Variants in PPIP5K2 observed in about 807,000 individuals in gnomAD.
The protein encoded by PPIP5K2 is inositol hexakisphosphate and diphosphoinositol-pentakisphosphate kinase 2.
PPIP5K2 carries 105 observed loss-of-function variants against 154.6 expected under a neutral mutation model. The observed-to-expected ratio is 0.68, with a 90% CI of 0.58 to 0.80. The LOEUF (loss-of-function observed/expected upper bound fraction) is 0.80, where lower values mean the gene tolerates loss of function less well. PPIP5K2 is among the 30% of genes least tolerant of loss of function. PPIP5K2 has a pLI of 0.00. For missense variants in PPIP5K2, 992 were observed against 1,504.6 expected, an observed-to-expected ratio of 0.66 and a Z score of 5.64; for synonymous variants, 480 against 490.3, an observed-to-expected ratio of 0.98 and a Z score of 0.28.
rs1554232551 is a variant in PPIP5K2, at chr5:103,210,939, A to T, written c.*9305A>T. ...CAGTTATGGAAATATTTCTGCTGCA[A>T]GAAAAGAATTACATACAACTAGTAT... On this transcript the variant is annotated 3_prime_UTR_variant, in exon 31 of 31. Coordinates refer to ENST00000358359, the MANE Select transcript of PPIP5K2 (RefSeq NM_001276277.3). 6.6e-6 allele frequency: 1 copy of T among 152,164 alleles called. No individual in the cohort carries two copies. The highest frequency in any genetic ancestry group is 2.4e-5 in the African/African-American group (1 of 41,456). 9.4% of individuals were successfully genotyped at this position (152,164 alleles called of 1,614,324 possible).
At chr5:103,136,047 C>G (rs916606829) in intron 3 of PPIP5K2, 1 of 149,732 alleles carries the variant, frequency 6.7e-6, no homozygotes, top group Admixed American at 6.7e-5. Flanking sequence ...TCTCCACTCA[C>G]CGCAACCTCC....
At chr5:103,173,361 C>A in intron 20 of PPIP5K2, 79 bp downstream of exon 20, 2 of 1,448,744 alleles carry the variant, frequency 1.4e-6, no homozygotes, top group Non-Finnish European at 1.9e-6. Flanking sequence ...CTTTGATGGT[C>A]CTATGAAGTC....
intron 27 of PPIP5K2, among the ~76,000 whole-genome samples, chr5:103,187,008 G>A (rs1382947888): frequency 1.3e-5 from 2 of 152,048 alleles, no homozygotes; most frequent in Non-Finnish European, 2.9e-5. Context: ...GCTCTTTCAG[G>A]ATCGTCTTTA....
chr5:103,188,236 G>T (rs1474098289), intron 28 of PPIP5K2, among the ~76,000 whole-genome samples: 2 of 152,088 alleles, frequency 1.3e-5, no homozygotes, highest in African/African-American at 4.8e-5. Context: ...CAGGATCAAA[G>T]AATTTAAAAG....
intron 1 of PPIP5K2, among the ~76,000 whole-genome samples, chr5:103,121,380 T>C (rs1788699749): frequency 6.6e-6 from 1 of 152,212 alleles, no homozygotes; most frequent in Admixed American, 6.5e-5. Context: ...TTATCACCAT[T>C]TTACAGAGTT....
chr5:103,203,457 G>A lies in PPIP5K2; in HGVS notation c.*1823G>A, dbSNP rs1554231349. On this transcript the variant is annotated 3_prime_UTR_variant, in exon 31 of 31. Transcript: ENST00000358359. The stretch of plus-strand genomic sequence containing the variant: ...CTCAGTAGTATTGCTCTGTAGACTA[G>A]ACACTCTATTTGTAAAAATCTTAGA... 6.6e-6 allele frequency: 1 copy of A among 152,106 alleles called. No homozygotes were observed. The highest frequency in any genetic ancestry group is 1.9e-4 in the East Asian group (1 of 5,198). 9.4% of individuals were successfully genotyped at this position (152,106 alleles called of 1,614,324 possible).
chr5:103,149,871 A>AT (rs1415687675), intron 8 of PPIP5K2, among the ~76,000 whole-genome samples: 5 of 151,742 alleles, frequency 3.3e-5, no homozygotes, highest in African/African-American at 4.8e-5. Flanking sequence ...TAATTTTTGT[A>AT]TTTTTAGTAG....
chr5:103,147,959 C>T lies in PPIP5K2; in HGVS notation c.671C>T (p.Pro224Leu). Residue 224 changes from proline (P) to leucine (L), a missense_variant, in exon 7 of 31, where the codon CCA becomes CTA. Pro to Leu is a moderately conservative substitution (Grantham distance 98). Around this residue, in one of 9 missense-constraint regions of PPIP5K2, gnomAD observed 51 missense variants for 152.2 expected, o/e 0.33. Coordinates refer to ENST00000358359, the MANE Select transcript of PPIP5K2 (RefSeq NM_001276277.3). The part of the protein sequence containing the change: ...KIGSRSSVYS[P>L]ESNVRKTGSY... The stretch of plus-strand genomic sequence containing the variant: ...GGCAGTAGAAGTAGTGTTTATTCTC[C>T]AGAAAGCAATGTACGAAAAACAGGC... The T allele has an allele frequency of 6.3e-7, 1 of 1,598,808 alleles. No individual in the cohort carries two copies. The highest frequency in any genetic ancestry group is 8.5e-7 in the Non-Finnish European group (1 of 1,172,042).
intron 17 of PPIP5K2, among the ~76,000 whole-genome samples, chr5:103,161,837 T>G (rs1387006282): frequency 1.3e-5 from 2 of 151,636 alleles, no homozygotes; most frequent in Non-Finnish European, 2.9e-5. Flanking sequence ...GAGTTCTTTG[T>G]AGATTCTGGA....
intron 10 of PPIP5K2, 145 bp downstream of exon 10, chr5:103,152,894 A>T (rs1794850231): frequency 1.9e-6 from 1 of 537,116 alleles, no homozygotes; most frequent in African/African-American, 2.0e-5. Context: ...GGAGTAGATT[A>T]TACGTATTTA....
intron 1 of PPIP5K2, among the ~76,000 whole-genome samples, chr5:103,128,153 A>C (rs1790026826): frequency 6.6e-6 from 1 of 152,116 alleles, no homozygotes; most frequent in South Asian, 2.1e-4. Flanking sequence ...GTTATACTGG[A>C]ATTAGATCTT....
In PPIP5K2 at chr5:103,152,759, A is replaced by C; in HGVS notation, c.1130+10A>C. 6.7e-7 allele frequency: 1 copy of C among 1,498,056 alleles called. No individual in the cohort carries two copies. Among genetic ancestry groups the C allele is most frequent in the Non-Finnish European group, 9.2e-7 (1 of 1,085,788 alleles). The allele number at this position is 1,498,056 out of a possible 1,614,324, so 92.8% of individuals were successfully genotyped here. A position where few individuals can be genotyped will look rare whatever the true frequency, so the allele number is the denominator to read the frequency against. On this transcript the variant is annotated intron_variant, in intron 10 of 30. Coordinates refer to ENST00000358359, the MANE Select transcript of PPIP5K2 (RefSeq NM_001276277.3). ...CTACATCTGGAACTATGTAAGTCTG[A>C]ATTATTTTCATTTAGAAATTGAGTT... is the stretch of plus-strand genomic sequence containing the variant.
intron 23 of PPIP5K2, among the ~76,000 whole-genome samples, chr5:103,178,293 G>A (rs1799013190): frequency 6.6e-6 from 1 of 151,810 alleles, no homozygotes; most frequent in Non-Finnish European, 1.5e-5. Flanking sequence ...CAGTTTTGTT[G>A]TCTTCGCTCT....
intron 30 of PPIP5K2, among the ~76,000 whole-genome samples, chr5:103,201,040 T>G (rs1802900480): frequency 6.6e-6 from 1 of 152,190 alleles, no homozygotes. Flanking sequence ...CTTCTAGCTT[T>G]TTAGAGAGGG....
intron 5 of PPIP5K2, among the ~76,000 whole-genome samples, chr5:103,140,943 G>A (rs1327354956): frequency 6.6e-6 from 1 of 151,860 alleles, no homozygotes; most frequent in African/African-American, 2.4e-5. Context: ...GAATTTTTCT[G>A]TCCTTATAGG....
chr5:103,133,170 AAG>A (rs1554203155), intron 2 of PPIP5K2, among the ~76,000 whole-genome samples: 5 of 152,208 alleles, frequency 3.3e-5, no homozygotes, highest in Admixed American at 6.5e-5. Context: ...GAGGTAGTTA[AAG>A]AGGGGGTACT....
At chr5:103,200,355 G>A (rs1488021941) in intron 30 of PPIP5K2, among the ~76,000 whole-genome samples, 2 of 151,866 alleles carry the variant, frequency 1.3e-5, no homozygotes, top group Admixed American at 6.6e-5. Flanking sequence ...TGTACATGGT[G>A]CATATTAGGG....
At chr5:103,185,990 T>A (rs1562493268) in intron 26 of PPIP5K2, among the ~76,000 whole-genome samples, 1 of 152,010 alleles carries the variant, frequency 6.6e-6, no homozygotes, top group African/African-American at 2.4e-5. Context: ...GAGTCCTTTC[T>A]TGTCCTAAGT....
At chr5:103,194,612 G>A (rs1801770801) in intron 29 of PPIP5K2, among the ~76,000 whole-genome samples, 1 of 152,048 alleles carries the variant, frequency 6.6e-6, no homozygotes. Context: ...AAAAACCTCA[G>A]TTTCTGTAAG....
Sources: allele counts gnomAD v4.1 joint callset (sites outside exome capture counted in the v4.1 genomes callset), GRCh38; gene constraint gnomAD v4.1.1; regional missense constraint gnomAD v4.1.1; transcripts MANE v1.5; gene names NCBI Gene and HGNC (gene_info 2026-07-23, HGNC 2026-07-21).